The following NSMF variants were observed in gnomAD, a reference collection of about 807,000 sequenced individuals.
The protein encoded by NSMF is nasal embryonic LHRH factor.
In NSMF, 31 loss-of-function variants were observed where a neutral mutation model predicts 71.0. That is an observed-to-expected ratio of 0.44 (90% CI 0.33 to 0.59). The LOEUF (loss-of-function observed/expected upper bound fraction) is 0.59, where lower values mean the gene tolerates loss of function less well. Ranked by LOEUF, NSMF falls within the 20% of genes least tolerant of loss-of-function variation. The pLI is 0.04. For synonymous variants in NSMF, 345 were observed against 287.1 expected, an observed-to-expected ratio of 1.20 and a Z score of -2.04; for missense variants, 673 against 740.5, an observed-to-expected ratio of 0.91 and a Z score of 1.06.
intron 1 of NSMF, 61 bp downstream of exon 1, chr9:137,458,971 G>A (rs1831031831): frequency 8.3e-7 from 1 of 1,204,774 alleles, no homozygotes; most frequent in Non-Finnish European, 1.1e-6. Context: ...GGGCAGGGGC[G>A]GACTCGGGCG....
rs1402203881 is a variant in NSMF at position 137,457,845 on chromosome 9, C to T, written c.190G>A (p.Ala64Thr). ...GACAGGCGGCGCTTGTTCTGGGGGG[C>T]CGGCTGCATCTCGGGGGACCCGTCG... ...GHDGSPEMQP[A>T]PQNKRRLSLV... Residue 64 changes from alanine to threonine, a missense_variant, in exon 3 of 16, where the codon GCC becomes ACC. Physicochemically the swap from Ala to Thr is moderately conservative, Grantham distance 58. Coordinates refer to ENST00000371475, the MANE Select transcript of NSMF (RefSeq NM_001130969.3). 1.9e-6 allele frequency: 3 copies of T among 1,553,390 alleles called. No homozygotes were observed. The highest frequency in any genetic ancestry group is 2.4e-5 in the East Asian group (1 of 41,534).
At position 137,452,927 on chromosome 9, in the gene NSMF, A is replaced by G. The variant is rs969869508; in HGVS notation, c.1048-108T>C. ...TGGCTGCCAGGCAGCCCAAGGGTAT[A>G]GCCCTGTGAGACACCCTCCCCCAGG... is the stretch of plus-strand genomic sequence containing the variant. On this transcript the variant is annotated intron_variant, in intron 9 of 15. Transcript: ENST00000371475. 21 of 1,553,428 alleles carry G rather than the reference A, an allele frequency of 1.4e-5. No homozygotes were observed. The African/African-American group carries it at 2.7e-4, about 20-fold the overall frequency.
chr9:137,454,394 G>C lies in NSMF; in HGVS notation c.829C>G (p.Gln277Glu), dbSNP rs1363119758. The C allele has an allele frequency of 6.5e-7, 1 of 1,550,154 alleles. No individual in the cohort carries two copies. Among genetic ancestry groups the C allele is most frequent in the South Asian group, 1.2e-5 (1 of 84,060 alleles). The change falls in exon 7 of 16, where the codon CAG becomes GAG. Residue 277 changes from glutamine to glutamate, a missense_variant. Around this residue, in one of 2 missense-constraint regions of NSMF, gnomAD observed 471 missense variants for 459.6 expected, o/e 1.02. Coordinates refer to ENST00000371475, the MANE Select transcript of NSMF (RefSeq NM_001130969.3). ...CCCCCGCCGCACGGGGTCTTACTCT[G>C]GGCCTTCACCCTCCGGCTGCCGACC... ...RMVGSRRVKA[Q>E]TFAERRERSF...
intron 5 of NSMF, 35 bp from the exon 6 acceptor site, chr9:137,455,342 C>T (rs769146849): frequency 6.2e-7 from 1 of 1,609,248 alleles, no homozygotes; most frequent in South Asian, 1.1e-5. Context: ...CTGCCCTTGG[C>T]CGGAGGCAGG....
At chr9:137,458,287 G>C (rs563008333) in intron 2 of NSMF, among the ~76,000 whole-genome samples, 9 of 152,322 alleles carry the variant, frequency 5.9e-5, no homozygotes, top group African/African-American at 2.2e-4. Flanking sequence ...CCCAGGCGGG[G>C]TGGGTGCCAT....
At chr9:137,454,788 C>A in intron 6 of NSMF, 1 of 1,390,642 alleles carries the variant, frequency 7.2e-7, no homozygotes, top group Non-Finnish European at 9.4e-7. Context: ...TCCAGCCTGC[C>A]TGCGCTGCAG....
At position 137,455,254 on chromosome 9, in the gene NSMF, G is replaced by A. The variant is rs1281484579; in HGVS notation, c.764C>T (p.Ala255Val). ...CAGGCCCTACCTCTGGATTACAGAC[G>A]CGGAATCATTCTCCCGTTTCCGGCG... ...RKRRKRENDSASVIQRNFRKH... is the reference protein window; with the variant it reads ...RKRRKRENDSVSVIQRNFRKH... Residue 255 changes from alanine (A) to valine (V), a missense_variant, in exon 6 of 16, where the codon GCG (alanine) becomes GTG (valine). By Grantham distance (64) the Ala-to-Val change is moderately conservative. Coordinates refer to ENST00000371475, the MANE Select transcript of NSMF (RefSeq NM_001130969.3). 3 of 1,612,680 alleles carry A rather than the reference G, an allele frequency of 1.9e-6. No individual in the cohort carries two copies. The highest frequency in any genetic ancestry group is 1.7e-5 in the Admixed American group (1 of 60,010).
intron 7 of NSMF, 125 bp downstream of exon 7, chr9:137,454,266 G>A (rs948554484): frequency 5.3e-6 from 5 of 939,912 alleles, no homozygotes; most frequent in Non-Finnish European, 5.0e-6. Flanking sequence ...TGGAAGGGGA[G>A]GAGCCTGAGG....
rs747343279 is a variant in NSMF at position 137,449,640 on chromosome 9, T to C, written c.1454A>G (p.Tyr485Cys). The C allele has an allele frequency of 6.2e-7, 1 of 1,612,578 alleles. No homozygotes were observed. Among genetic ancestry groups the C allele is most frequent in the Non-Finnish European group, 8.5e-7 (1 of 1,179,748 alleles). ...CAGGGGTGACTCGAAGGTGACCCTA[T>C]AAGGAGTCATGAGGGTCCTGAGGTT... is the stretch of plus-strand genomic sequence containing the variant. The part of the protein sequence containing the change: ...FQNLRTLMTP[Y>C]RVTFESPLEL... Residue 485 changes from tyrosine (Y) to cysteine (C), a missense_variant, in exon 15 of 16, where the codon TAT becomes TGT. Coordinates refer to ENST00000371475, the MANE Select transcript of NSMF (RefSeq NM_001130969.3).
At chr9:137,451,876 A>C (rs1371024918) in intron 12 of NSMF, among the ~76,000 whole-genome samples, 2 of 32,510 alleles carry the variant, frequency 6.2e-5, no homozygotes, top group Non-Finnish European at 1.1e-4. Flanking sequence ...CAATGTCTAC[A>C]CCTCTTCTCC....
chr9:137,458,940 G>T, intron 1 of NSMF, 92 bp downstream of exon 1: 1 of 1,044,360 alleles, frequency 9.6e-7, no homozygotes, highest in East Asian at 3.3e-5. Flanking sequence ...GCCGGGGCCC[G>T]GGAGCCCGGG....
chr9:137,453,846 C>T lies in NSMF; in HGVS notation c.833-26G>A, dbSNP rs1047823875. 3.2e-6 allele frequency: 5 copies of T among 1,558,434 alleles called. No individual in the cohort carries two copies. In the African/African-American group the frequency reaches 5.4e-5, roughly 17 times the overall value. ...CTGCAGAGAGCAAAACCCGCATTAG[C>T]GAGCGGGTGGGGCGGGGCCTCGGGA... On this transcript the variant is annotated intron_variant, in intron 7 of 15. Coordinates refer to ENST00000371475, the MANE Select transcript of NSMF (RefSeq NM_001130969.3). This position sits in a 1 kb window ranked among gnomAD's most constrained non-coding sequence, Gnocchi z 4.5.
At chr9:137,454,323 G>T in intron 7 of NSMF, 68 bp downstream of exon 7, 1 of 1,440,998 alleles carries the variant, frequency 6.9e-7, no homozygotes, top group Non-Finnish European at 9.5e-7. Context: ...ATCGCAGCTA[G>T]CAGCAAGCAA....
chr9:137,449,235 C>T lies in NSMF; in HGVS notation c.*159G>A. ...CTGCGGCCACGGGTGCAGCGAGGACCGGAACCCACAGGGGGAACCTGAGCA... is the reference window on the plus strand; with the variant it reads ...CTGCGGCCACGGGTGCAGCGAGGACTGGAACCCACAGGGGGAACCTGAGCA... On this transcript the variant is annotated 3_prime_UTR_variant, in exon 16 of 16. Coordinates refer to ENST00000371475, the MANE Select transcript of NSMF (RefSeq NM_001130969.3). 1 of 670,576 alleles carries T rather than the reference C, an allele frequency of 1.5e-6. No homozygotes were observed. The highest frequency in any genetic ancestry group is 2.7e-6 in the Non-Finnish European group (1 of 374,330). The allele number at this position is 670,576 out of a possible 1,614,324, so 41.5% of individuals were successfully genotyped here. A position where few individuals can be genotyped will look rare whatever the true frequency, so the allele number is the denominator to read the frequency against.
Position 137,456,387 on chromosome 9 carries a change from C to T in NSMF, c.704+24G>A, listed in dbSNP as rs747381560. 12 of 1,594,526 alleles carry T rather than the reference C, an allele frequency of 7.5e-6. No homozygotes were observed. The African/African-American group carries it at 1.3e-4, about 18-fold the overall frequency. On this transcript the variant is annotated intron_variant, in intron 4 of 15. Transcript: ENST00000371475. Reference sequence around the variant, plus strand: ...AGAAAGAGACCACCCAACCCTGACCCCAAGTCGTGGGCACAAGACTCACGC... The same window carrying T: ...AGAAAGAGACCACCCAACCCTGACCTCAAGTCGTGGGCACAAGACTCACGC...
chr9:137,459,126 C>T lies in NSMF; in HGVS notation c.-24G>A, dbSNP rs1476119502. 4 of 1,109,546 alleles carry T rather than the reference C, an allele frequency of 3.6e-6. No individual in the cohort carries two copies. Among genetic ancestry groups the T allele is most frequent in the Non-Finnish European group, 4.4e-6 (4 of 910,164 alleles). The allele number at this position is 1,109,546 out of a possible 1,614,324, so 68.7% of individuals were successfully genotyped here. A position where few individuals can be genotyped will look rare whatever the true frequency, so the allele number is the denominator to read the frequency against. ...ATGGTCGAGGCGGCGGCGCATCCCCCGGGCCTCAGAGCGCGCCCCGCGCCC... is the reference window on the plus strand; with the variant it reads ...ATGGTCGAGGCGGCGGCGCATCCCCTGGGCCTCAGAGCGCGCCCCGCGCCC... On this transcript the variant is annotated 5_prime_UTR_variant, in exon 1 of 16. Coordinates refer to ENST00000371475, the MANE Select transcript of NSMF (RefSeq NM_001130969.3).
At chr9:137,458,903 C>T in intron 1 of NSMF, 129 bp downstream of exon 1, 2 of 697,610 alleles carry the variant, frequency 2.9e-6, no homozygotes, top group Admixed American at 3.9e-5. Context: ...AGGCGCGGGG[C>T]GCGGGGAGGG....
chr9:137,454,480 G>A (rs777457874), intron 6 of NSMF, 37 bp from the exon 7 acceptor site: 120 of 1,549,664 alleles, frequency 7.7e-5, no homozygotes, highest in Non-Finnish European at 5.8e-5. Flanking sequence ...AGGGCCGTGA[G>A]AGGGTGACGG....
chr9:137,452,459 C>G (rs769322352), intron 11 of NSMF, 24 bp from the exon 12 acceptor site: 5 of 1,611,798 alleles, frequency 3.1e-6, no homozygotes, highest in East Asian at 4.5e-5. Flanking sequence ...GGTGTGAGTG[C>G]TGCGGCCCCC....
Sources: gnomAD v4.1 joint callset for allele counts (sites outside exome capture counted in the v4.1 genomes callset) on GRCh38, gnomAD v4.1.1 for gene constraint, gnomAD v4.1.1 regional missense constraint, Gnocchi (gnomAD v3.1) non-coding constraint, MANE v1.5 for transcripts, NCBI Gene and HGNC (gene_info 2026-07-23, HGNC 2026-07-21) for gene names.